RGS5: variants seen among roughly 807,000 people sequenced by gnomAD.
RGS5 encodes the protein regulator of G protein signaling 5.
Under a neutral mutation model 18.9 loss-of-function variants are expected in RGS5, and 20 were observed. That is an observed-to-expected ratio of 1.06 (90% confidence interval 0.74 to 1.54). The LOEUF (loss-of-function observed/expected upper bound fraction) is 1.54, where lower values mean the gene tolerates loss of function less well. RGS5 is among the 40% of genes most tolerant of loss of function. The pLI is 0.00. For synonymous variants in RGS5, 57 were observed against 76.2 expected (o/e 0.75, Z 1.31); for missense variants, 201 against 211.8 (o/e 0.95, Z 0.32).
chr1:163,282,787 A>G (rs1258664397), intron 2 of RGS5, among the ~76,000 whole-genome samples: 4 of 152,188 alleles, frequency 2.6e-5, no homozygotes, highest in Non-Finnish European at 5.9e-5. Context: ...GACTGGGTAC[A>G]TATCCAAAGG....
chr1:163,194,939 T>C (rs910889839), intron 1 of RGS5, among the ~76,000 whole-genome samples: 2 of 152,246 alleles, frequency 1.3e-5, no homozygotes, highest in Admixed American at 6.5e-5. Context: ...CAAAAAACAA[T>C]AGATGTTGGC....
chr1:163,143,196 T>C lies in RGS5; in HGVS notation c.*4146A>G, dbSNP rs1257061269. 6.6e-6 allele frequency: 1 copy of C among 152,192 alleles called. No homozygotes were observed. The highest frequency in any genetic ancestry group is 1.5e-5 in the Non-Finnish European group (1 of 68,032). 9.4% of individuals were successfully genotyped at this position (152,192 alleles called of 1,614,324 possible). ...AAACAGTAGCTGCTAAATTGTTAAC[T>C]AAAGAGCCTTGTGCGAAGCAAGTGT... On this transcript the variant is annotated 3_prime_UTR_variant, in exon 5 of 5. Coordinates refer to ENST00000313961, the MANE Select transcript of RGS5 (RefSeq NM_003617.4).
At chr1:163,158,913 C>T (rs373391103) in intron 3 of RGS5, among the ~76,000 whole-genome samples, 16 of 152,256 alleles carry the variant, frequency 1.1e-4, no homozygotes, top group South Asian at 6.2e-4. Context: ...CCCTCAACTA[C>T]GATCATAAAA....
At chr1:163,291,030 G>C (rs998977455) in intron 2 of RGS5, among the ~76,000 whole-genome samples, 7 of 151,688 alleles carry the variant, frequency 4.6e-5, no homozygotes, top group African/African-American at 7.3e-5. Flanking sequence ...TTAATTAACT[G>C]AATCAAAAGA....
At chr1:163,226,581 A>G (rs528618804) in intron 2 of RGS5, among the ~76,000 whole-genome samples, 6 of 152,314 alleles carry the variant, frequency 3.9e-5, no homozygotes, top group South Asian at 2.1e-4. Flanking sequence ...GGTTTTTGAG[A>G]TGCACCGCCA....
At chr1:163,167,714 A>C (rs1459958573) in intron 2 of RGS5, among the ~76,000 whole-genome samples, 1 of 152,244 alleles carries the variant, frequency 6.6e-6, no homozygotes, top group Non-Finnish European at 1.5e-5. Flanking sequence ...TCTTCACTTA[A>C]GTAACAGACT....
intron 2 of RGS5, among the ~76,000 whole-genome samples, chr1:163,275,060 G>A (rs555806072): frequency 1.1e-4 from 17 of 152,304 alleles, no homozygotes; most frequent in African/African-American, 4.1e-4. Flanking sequence ...AGGCTGCAGT[G>A]AGCTGTGATC....
intron 2 of RGS5, among the ~76,000 whole-genome samples, chr1:163,263,161 T>A (rs1230050263): frequency 6.6e-6 from 1 of 152,174 alleles, no homozygotes; most frequent in Non-Finnish European, 1.5e-5. Flanking sequence ...TTACAAAAGA[T>A]CTTCTGTAAT....
chr1:163,210,692 A>C (rs1660083917), intron 1 of RGS5: 1 of 152,250 alleles, frequency 6.6e-6, no homozygotes, highest in Admixed American at 6.5e-5. Context: ...TGCCTTACAC[A>C]CAATGAGCAC....
At chr1:163,219,272 C>T (rs1330063344), upstream of RGS5, among the ~76,000 whole-genome samples, 1 of 152,042 alleles carries the variant, frequency 6.6e-6, no homozygotes, top group Non-Finnish European at 1.5e-5. Context: ...GTCCTATTCC[C>T]GTAGTATGTT....
chr1:163,282,032 G>C (rs576540765), intron 2 of RGS5, among the ~76,000 whole-genome samples: 1 of 147,994 alleles, frequency 6.8e-6, no homozygotes, highest in Non-Finnish European at 1.5e-5. Flanking sequence ...TGAGACTTCA[G>C]AAGTGCACGC....
At chr1:163,219,426 T>C (rs191334996), upstream of RGS5, among the ~76,000 whole-genome samples, 2 of 152,312 alleles carry the variant, frequency 1.3e-5, no homozygotes, top group East Asian at 1.9e-4. Context: ...AGTTCTTTCA[T>C]TTTAATTGTT....
chr1:163,193,212 G>C (rs1659427759), intron 1 of RGS5, among the ~76,000 whole-genome samples: 2 of 152,270 alleles, frequency 1.3e-5, no homozygotes, highest in Non-Finnish European at 2.9e-5. Flanking sequence ...AGATGGGCTA[G>C]GTGCTGTTTT....
intron 2 of RGS5, among the ~76,000 whole-genome samples, chr1:163,280,650 G>A (rs1648969262): frequency 6.6e-6 from 1 of 151,970 alleles, no homozygotes; most frequent in Non-Finnish European, 1.5e-5. Context: ...CATGATCATG[G>A]ACTAGATGAA....
intron 2 of RGS5, among the ~76,000 whole-genome samples, chr1:163,165,899 C>G (rs1257621521): frequency 1.9e-5 from 2 of 104,802 alleles, no homozygotes; most frequent in Non-Finnish European, 3.8e-5. Context: ...GAGCGAAATT[C>G]CGTCTCAAAA....
At chr1:163,270,025 G>A (rs1294225603) in intron 2 of RGS5, among the ~76,000 whole-genome samples, 1 of 152,080 alleles carries the variant, frequency 6.6e-6, no homozygotes, top group East Asian at 1.9e-4. Flanking sequence ...TTAAGACTAA[G>A]TCTCACTGTC....
At chr1:163,246,081 G>A (rs533895217) in intron 2 of RGS5, among the ~76,000 whole-genome samples, 1 of 151,968 alleles carries the variant, frequency 6.6e-6, no homozygotes, top group African/African-American at 2.4e-5. Context: ...GCCAGGCGTG[G>A]TGGCGGGCAC....
chr1:163,315,798 A>G (rs1650002712), intron 1 of RGS5, among the ~76,000 whole-genome samples: 1 of 152,212 alleles, frequency 6.6e-6, no homozygotes, highest in Non-Finnish European at 1.5e-5. Context: ...TTTGAATTCA[A>G]CGCTATTTTT....
chr1:163,298,228 A>G (rs1396546), intron 2 of RGS5, among the ~76,000 whole-genome samples: 10,216 of 152,176 alleles, frequency 0.067, 360 homozygotes, highest in South Asian at 0.095. Context: ...AGACATATGC[A>G]TGTATACAAA....
Sources: gnomAD v4.1 joint callset for allele counts (sites outside exome capture counted in the v4.1 genomes callset) on GRCh38, gnomAD v4.1.1 for gene constraint, MANE v1.5 for transcripts, NCBI Gene and HGNC (gene_info 2026-07-23, HGNC 2026-07-21) for gene names.